Variants in LTBP1 observed in about 807,000 individuals in gnomAD.
The protein encoded by LTBP1 is latent-transforming growth factor beta-binding protein 1.
In LTBP1, 129 loss-of-function variants were observed where a neutral mutation model predicts 207.6. The observed-to-expected ratio is 0.62, with a 90% CI of 0.54 to 0.72. The LOEUF (loss-of-function observed/expected upper bound fraction) is 0.72. Among genes scored for constraint, LTBP1 ranks in the 30% least tolerant of loss-of-function variants. The pLI is 0.00. For synonymous variants in LTBP1, 963 were observed against 833.7 expected, an observed-to-expected ratio of 1.16 and a Z score of -2.67; for missense variants, 2,281 against 2,217.2, an observed-to-expected ratio of 1.03 and a Z score of -0.58.
At position 33,021,217 on chromosome 2, in the gene LTBP1, C is replaced by T. The variant is rs78080486; in HGVS notation, c.863+11C>T. Reference sequence around the variant, plus strand: ...GCAGATACATTCTCAGTGAGTGTTTCGAACTTTCATTTAGCTAAGGATCAT... The same window carrying T: ...GCAGATACATTCTCAGTGAGTGTTTTGAACTTTCATTTAGCTAAGGATCAT... On this transcript the variant is annotated intron_variant, in intron 3 of 33. Coordinates refer to ENST00000404816, the MANE Select transcript of LTBP1 (RefSeq NM_206943.4). 8.3e-5 allele frequency: 130 copies of T among 1,570,982 alleles called. No individual in the cohort carries two copies. In the East Asian group the frequency reaches 9.7e-4, roughly 12 times the overall value.
At chr2:33,282,357 G>T (rs1253694716) in intron 19 of LTBP1, among the ~76,000 whole-genome samples, 1 of 152,086 alleles carries the variant, frequency 6.6e-6, no homozygotes, top group African/African-American at 2.4e-5. Flanking sequence ...AGATTTAATT[G>T]CAGTTCCATC....
chr2:33,262,670 C>T, intron 13 of LTBP1, 52 bp from the exon 14 acceptor site: 4 of 926,700 alleles, frequency 4.3e-6, no homozygotes, highest in South Asian at 1.7e-5. Flanking sequence ...AAATAATTTC[C>T]ACTTTCAATT....
At chr2:32,999,012 C>T (rs1300163112) in intron 2 of LTBP1, among the ~76,000 whole-genome samples, 1 of 152,188 alleles carries the variant, frequency 6.6e-6, no homozygotes, top group East Asian at 1.9e-4. Context: ...TAGAAATACA[C>T]CTTATGAGGC....
At chr2:33,214,716 T>C (rs2090554228) in intron 7 of LTBP1, among the ~76,000 whole-genome samples, 1 of 152,214 alleles carries the variant, frequency 6.6e-6, no homozygotes, top group South Asian at 2.1e-4. Context: ...TGTGTTGTTT[T>C]ATAAGAGAGT....
chr2:33,363,838 C>T (rs568119193), intron 29 of LTBP1, among the ~76,000 whole-genome samples: 7 of 152,282 alleles, frequency 4.6e-5, no homozygotes, highest in African/African-American at 1.4e-4. Flanking sequence ...AAGTGACAGC[C>T]ATTTTAAATA....
chr2:32,963,957 G>C (rs1679545639), intron 2 of LTBP1, among the ~76,000 whole-genome samples: 1 of 152,162 alleles, frequency 6.6e-6, no homozygotes, highest in Non-Finnish European at 1.5e-5. Flanking sequence ...AGTAACGAAG[G>C]AGCAACATTT....
intron 24 of LTBP1, among the ~76,000 whole-genome samples, chr2:33,319,517 C>T (rs1232658063): frequency 1.3e-5 from 2 of 151,958 alleles, no homozygotes; most frequent in African/African-American, 4.8e-5. Context: ...AATCAGATTC[C>T]TAGGGGTCAC....
chr2:33,221,494 A>G (rs2091101100), intron 8 of LTBP1, among the ~76,000 whole-genome samples: 1 of 152,186 alleles, frequency 6.6e-6, no homozygotes, highest in Admixed American at 6.5e-5. Context: ...TTGTTTGCAT[A>G]TTCTGAGTGT....
At chr2:33,366,750 A>G (rs999892732) in intron 31 of LTBP1, among the ~76,000 whole-genome samples, 3 of 152,188 alleles carry the variant, frequency 2.0e-5, no homozygotes, top group South Asian at 2.1e-4. Flanking sequence ...TAGGTAGAGC[A>G]GGGGGTAATT....
chr2:33,023,696 T>G (rs1413365106), intron 3 of LTBP1, among the ~76,000 whole-genome samples: 1 of 152,170 alleles, frequency 6.6e-6, no homozygotes, highest in Non-Finnish European at 1.5e-5. Flanking sequence ...AAGATTAAGA[T>G]GTACAAGATC....
At chr2:33,079,403 G>A (rs905891935) in intron 3 of LTBP1, among the ~76,000 whole-genome samples, 1 of 152,200 alleles carries the variant, frequency 6.6e-6, no homozygotes, top group African/African-American at 2.4e-5. Flanking sequence ...CAGCAGATGG[G>A]ATATAGCAAT....
intron 3 of LTBP1, among the ~76,000 whole-genome samples, chr2:33,078,862 C>CTTTTCTTTTTTTTTTTTTTTTTTTT (rs1367646259): frequency 1.9e-5 from 2 of 106,888 alleles, no homozygotes; most frequent in Non-Finnish European, 3.6e-5. Context: ...CTTTTCTTTT[C>CTTTTCTTTTTTTTTTTTTTTTTTTT]TTTTTTTTTT....
chr2:32,957,538 A>G (rs1226644662), intron 2 of LTBP1, among the ~76,000 whole-genome samples: 1 of 152,222 alleles, frequency 6.6e-6, no homozygotes, highest in African/African-American at 2.4e-5. Context: ...TTTCTGTCTT[A>G]TATTGGGTAT....
intron 13 of LTBP1, among the ~76,000 whole-genome samples, chr2:33,261,575 A>G (rs2093010305): frequency 6.6e-6 from 1 of 152,190 alleles, no homozygotes; most frequent in African/African-American, 2.4e-5. Context: ...AACTGTTAAG[A>G]AAAAAGTGTC....
intron 2 of LTBP1, among the ~76,000 whole-genome samples, chr2:33,003,863 C>G (rs1470585832): frequency 6.6e-6 from 1 of 152,232 alleles, no homozygotes; most frequent in East Asian, 1.9e-4. Context: ...TTGCACAAAG[C>G]CTGTGGCAGT....
At chr2:32,978,500 C>T (rs1682189757) in intron 2 of LTBP1, among the ~76,000 whole-genome samples, 1 of 151,870 alleles carries the variant, frequency 6.6e-6, no homozygotes, top group African/African-American at 2.4e-5. Context: ...TATGATGTAT[C>T]ACATTGATTT....
chr2:33,263,211 A>G (rs2093069097), intron 14 of LTBP1, 83 bp from the exon 15 acceptor site: 1 of 828,996 alleles, frequency 1.2e-6, no homozygotes. Flanking sequence ...TTGCTAGACT[A>G]AATTATGCTT....
chr2:33,234,711 A>G (rs1480963017), intron 9 of LTBP1, among the ~76,000 whole-genome samples: 1 of 152,166 alleles, frequency 6.6e-6, no homozygotes, highest in East Asian at 1.9e-4. Context: ...TCACAGAATT[A>G]GAAAAACTAC....
intron 5 of LTBP1, among the ~76,000 whole-genome samples, chr2:33,140,961 G>A (rs1440232383): frequency 6.6e-6 from 1 of 152,214 alleles, no homozygotes; most frequent in Non-Finnish European, 1.5e-5. Context: ...ACCACGCCCG[G>A]TCTTTTCCTT....
Sources: allele counts gnomAD v4.1 joint callset (sites outside exome capture counted in the v4.1 genomes callset), GRCh38; gene constraint gnomAD v4.1.1; transcripts MANE v1.5; gene names NCBI Gene and HGNC (gene_info 2026-07-23, HGNC 2026-07-21).